DGKI: variants seen among roughly 807,000 people sequenced by gnomAD.
The protein encoded by DGKI is diacylglycerol kinase iota.
DGKI carries 55 observed loss-of-function variants against 147.5 expected under a neutral mutation model. The ratio of observed to expected loss-of-function variants is 0.37; its 90% CI spans 0.30 to 0.47. DGKI has a LOEUF of 0.47. Among genes scored for constraint, DGKI ranks in the 20% least tolerant of loss-of-function variants. DGKI has a pLI of 1.00. For synonymous variants in DGKI, 469 were observed against 477.1 expected, an observed-to-expected ratio of 0.98 and a Z score of 0.22; for missense variants, 1,007 against 1,323.8, an observed-to-expected ratio of 0.76 and a Z score of 3.71.
intron 1 of DGKI, among the ~76,000 whole-genome samples, chr7:137,808,673 T>C (rs768070724): frequency 9.9e-5 from 15 of 152,124 alleles, no homozygotes; most frequent in Non-Finnish European, 2.2e-4. Flanking sequence ...CAGACAGTCA[T>C]CTGGGAATAT....
At chr7:137,441,470 C>G (rs1210592765) in intron 28 of DGKI, among the ~76,000 whole-genome samples, 1 of 149,480 alleles carries the variant, frequency 6.7e-6, no homozygotes, top group Non-Finnish European at 1.5e-5. Context: ...CAAATGATTT[C>G]TCAATTGAAC....
intron 2 of DGKI, among the ~76,000 whole-genome samples, chr7:137,686,235 G>T (rs1289648877): frequency 6.6e-6 from 1 of 152,202 alleles, no homozygotes. Context: ...CATAGAATCA[G>T]TTTGATTGAA....
chr7:137,688,537 A>G (rs1823499939), intron 2 of DGKI, among the ~76,000 whole-genome samples: 1 of 152,204 alleles, frequency 6.6e-6, no homozygotes, highest in Non-Finnish European at 1.5e-5. Context: ...TCGCCTCTAA[A>G]TGATTAAACT....
At chr7:137,767,231 T>A (rs1796039424) in intron 1 of DGKI, among the ~76,000 whole-genome samples, 1 of 152,086 alleles carries the variant, frequency 6.6e-6, no homozygotes, top group Admixed American at 6.6e-5. Context: ...AGGGCCAAAG[T>A]ACTCAATTAG....
intron 28 of DGKI, among the ~76,000 whole-genome samples, chr7:137,426,966 C>T (rs1402271162): frequency 6.6e-6 from 1 of 150,436 alleles, no homozygotes. Context: ...CTTTAACACC[C>T]CACTGTCAAC....
Position 137,619,834 on chromosome 7 carries a change from T to C in DGKI, c.983A>G (p.Lys328Arg). ...IVPPTWIIKV[K>R]KPQNSLKASN... ...AGTCCTGGCAGTTACCTGAGGTTTC[T>C]TCACCTTAATGATCCAAGTGGGCGG... The change falls in exon 8 of 33, where the codon AAG (lysine) becomes AGG (arginine). Residue 328 changes from lysine (K) to arginine (R), a missense_variant. Transcript: ENST00000614521. 1 of 1,613,646 alleles carries C rather than the reference T, an allele frequency of 6.2e-7. No homozygotes were observed. The highest frequency in any genetic ancestry group is 8.5e-7 in the Non-Finnish European group (1 of 1,179,756).
chr7:137,456,814 G>A (rs2128922934), intron 27 of DGKI, among the ~76,000 whole-genome samples: 1 of 152,238 alleles, frequency 6.6e-6, no homozygotes. Context: ...TTCAATGTCA[G>A]TCAAAATAAG....
intron 32 of DGKI, 94 bp from the exon 33 acceptor site, chr7:137,391,430 A>T: frequency 1.1e-6 from 1 of 869,826 alleles, no homozygotes; most frequent in Non-Finnish European, 1.8e-6. Context: ...AACAAAACAA[A>T]AATCACAGAA....
intron 17 of DGKI, among the ~76,000 whole-genome samples, chr7:137,576,040 T>C (rs1818958778): frequency 1.4e-5 from 2 of 146,264 alleles, no homozygotes; most frequent in South Asian, 4.4e-4. Context: ...TCTTTTTCTT[T>C]TTCTTTTTTT....
At chr7:137,577,665 C>T (rs771146457) in intron 16 of DGKI, among the ~76,000 whole-genome samples, 29 of 152,184 alleles carry the variant, frequency 1.9e-4, no homozygotes, top group Non-Finnish European at 4.0e-4. Flanking sequence ...CTTCCATAAA[C>T]TACGTATGCA....
At chr7:137,824,515 CAAA>C (rs532349887) in intron 1 of DGKI, among the ~76,000 whole-genome samples, 1 of 56,568 alleles carries the variant, frequency 1.8e-5, no homozygotes, top group Non-Finnish European at 3.2e-5. Context: ...GACTCCATCT[CAAA>C]AAAAAAAAAA....
At chr7:137,819,751 C>T (rs1045453854) in intron 1 of DGKI, among the ~76,000 whole-genome samples, 4 of 152,208 alleles carry the variant, frequency 2.6e-5, no homozygotes, top group South Asian at 2.1e-4. Flanking sequence ...AAGCACTCTA[C>T]ATCATCTGAC....
At chr7:137,662,672 C>T (rs967184338) in intron 3 of DGKI, among the ~76,000 whole-genome samples, 1 of 151,652 alleles carries the variant, frequency 6.6e-6, no homozygotes, top group African/African-American at 2.4e-5. Flanking sequence ...AAACTCAGAC[C>T]TCTCCTTAGA....
At chr7:137,472,393 TATA>T (rs1254847425) in intron 23 of DGKI, among the ~76,000 whole-genome samples, 103 of 4,412 alleles carry the variant, frequency 0.023, no homozygotes, top group East Asian at 0.14. Flanking sequence ...ATATACATAT[TATA>T]ATTATTATAT....
chr7:137,747,242 A>G (rs1205028074), intron 1 of DGKI, among the ~76,000 whole-genome samples: 1 of 152,148 alleles, frequency 6.6e-6, no homozygotes, highest in East Asian at 1.9e-4. Flanking sequence ...CTAAGCACCT[A>G]AAAAGTTTAC....
intron 20 of DGKI, among the ~76,000 whole-genome samples, chr7:137,536,206 C>T (rs995263737): frequency 6.6e-6 from 1 of 152,072 alleles, no homozygotes; most frequent in Non-Finnish European, 1.5e-5. Flanking sequence ...TTAAATGCTA[C>T]GATGTCAACT....
chr7:137,651,914 A>G (rs1471677354), intron 5 of DGKI, among the ~76,000 whole-genome samples: 2 of 152,264 alleles, frequency 1.3e-5, no homozygotes, highest in African/African-American at 4.8e-5. Context: ...TACATTTAGC[A>G]TATAGGAGAT....
At chr7:137,705,744 C>T (rs1233842503) in intron 1 of DGKI, among the ~76,000 whole-genome samples, 2 of 151,934 alleles carry the variant, frequency 1.3e-5, no homozygotes, top group Non-Finnish European at 2.9e-5. Flanking sequence ...AATTAATAGA[C>T]AAATAATAAA....
chr7:137,718,243 T>C (rs942657458), intron 1 of DGKI, among the ~76,000 whole-genome samples: 6 of 152,186 alleles, frequency 3.9e-5, no homozygotes, highest in East Asian at 1.9e-4. Context: ...ATATTATTGT[T>C]GTGGTTGTTA....
Sources: allele counts gnomAD v4.1 joint callset (sites outside exome capture counted in the v4.1 genomes callset), GRCh38; gene constraint gnomAD v4.1.1; transcripts MANE v1.5; gene names NCBI Gene and HGNC (gene_info 2026-07-23, HGNC 2026-07-21).